The following IPO11 variants were observed in gnomAD, a reference collection of about 807,000 sequenced individuals.
The protein encoded by IPO11 is importin-11.
A neutral mutation model predicts 143.2 loss-of-function variants in IPO11; 66 were observed. The ratio of observed to expected loss-of-function variants is 0.46; its 90% CI spans 0.38 to 0.57. The LOEUF is 0.57. Among genes scored for constraint, IPO11 ranks in the 20% least tolerant of loss-of-function variants. The pLI is 0.00. For synonymous variants in IPO11, 385 were observed against 377.8 expected, an observed-to-expected ratio of 1.02 and a Z score of -0.22; for missense variants, 1,026 against 1,141.0, an observed-to-expected ratio of 0.90 and a Z score of 1.45.
At chr5:62,462,273 TCCA>T (rs1745386611) in intron 5 of IPO11, among the ~76,000 whole-genome samples, 1 of 152,106 alleles carries the variant, frequency 6.6e-6, no homozygotes, top group African/African-American at 2.4e-5. Context: ...TGACTTTGAG[TCCA>T]CCATGTTTAA....
chr5:62,460,117 AT>A (rs35282844), intron 5 of IPO11, among the ~76,000 whole-genome samples: 13,754 of 152,162 alleles, frequency 0.09, 678 homozygotes, highest in East Asian at 0.14. Flanking sequence ...AGATAGATTT[AT>A]TTTTTAAGTA....
intron 22 of IPO11, among the ~76,000 whole-genome samples, chr5:62,534,835 C>T (rs901205440): frequency 1.3e-5 from 2 of 152,056 alleles, no homozygotes; most frequent in African/African-American, 2.4e-5. Context: ...GAACCATAGA[C>T]ATAAATTACT....
chr5:62,550,592 G>A (rs943468389), intron 25 of IPO11, 130 bp downstream of exon 25: 17 of 585,712 alleles, frequency 2.9e-5, no homozygotes, highest in African/African-American at 2.8e-4. Flanking sequence ...AATTTTCAGG[G>A]CGGTTAGACA....
intron 28 of IPO11, among the ~76,000 whole-genome samples, chr5:62,594,080 T>A (rs1395640238): frequency 2.6e-5 from 4 of 152,194 alleles, no homozygotes; most frequent in Admixed American, 6.5e-5. Context: ...CTTATTATAG[T>A]CTCTTAACTG....
chr5:62,433,785 G>A (rs559573887), intron 1 of IPO11, among the ~76,000 whole-genome samples: 22 of 152,222 alleles, frequency 1.4e-4, no homozygotes, highest in African/African-American at 5.3e-4. Flanking sequence ...GCTTTGCTGT[G>A]TGCATTTATG....
chr5:62,449,807 C>T, intron 3 of IPO11, 120 bp from the exon 4 acceptor site: 1 of 581,862 alleles, frequency 1.7e-6, no homozygotes, highest in South Asian at 3.3e-5. Flanking sequence ...TTTTTATTTA[C>T]AAAAACCAAT....
At chr5:62,515,578 T>A in intron 20 of IPO11, 77 bp downstream of exon 20, 1 of 829,266 alleles carries the variant, frequency 1.2e-6, no homozygotes, top group East Asian at 2.9e-5. Flanking sequence ...AAATTGTTTT[T>A]ATGTGATTTA....
intron 26 of IPO11, among the ~76,000 whole-genome samples, chr5:62,556,704 A>C (rs1743587058): frequency 6.6e-6 from 1 of 152,210 alleles, no homozygotes; most frequent in Admixed American, 6.5e-5. Flanking sequence ...AAACCAAAAA[A>C]ATTAAAATGA....
intron 1 of IPO11, among the ~76,000 whole-genome samples, chr5:62,430,376 T>C (rs1316237916): frequency 7.9e-5 from 12 of 152,196 alleles, no homozygotes; most frequent in Non-Finnish European, 1.6e-4. Flanking sequence ...GATCATTATC[T>C]TTTTGATTAT....
At chr5:62,419,148 A>G in intron 1 of IPO11, 1 of 1,545,010 alleles carries the variant, frequency 6.5e-7, no homozygotes, top group Non-Finnish European at 8.7e-7. Context: ...GTGTGTTTAA[A>G]CATGTCTAAA....
chr5:62,509,368 T>G (rs985031965), intron 19 of IPO11, among the ~76,000 whole-genome samples: 13 of 152,170 alleles, frequency 8.5e-5, no homozygotes, highest in African/African-American at 3.1e-4. Context: ...ATTAAAACAT[T>G]TGTTAGATTG....
chr5:62,601,726 T>G (rs1580375012), intron 28 of IPO11, 38 bp from the exon 29 acceptor site: 10 of 1,160,180 alleles, frequency 8.6e-6, no homozygotes, highest in Non-Finnish European at 1.1e-5. Context: ...ATTATAGACA[T>G]TTTTATTTAA....
intron 29 of IPO11, among the ~76,000 whole-genome samples, chr5:62,611,188 C>T (rs933647180): frequency 6.6e-6 from 1 of 152,032 alleles, no homozygotes; most frequent in Non-Finnish European, 1.5e-5. Flanking sequence ...AAACTTATCT[C>T]AAGTATTAGA....
chr5:62,498,752 C>T (rs768805836), intron 16 of IPO11, among the ~76,000 whole-genome samples: 1 of 152,132 alleles, frequency 6.6e-6, no homozygotes, highest in Non-Finnish European at 1.5e-5. Flanking sequence ...CACCTGTAGT[C>T]CCAGCTACTC....
At chr5:62,460,004 A>G (rs557570759) in intron 5 of IPO11, among the ~76,000 whole-genome samples, 5 of 152,370 alleles carry the variant, frequency 3.3e-5, no homozygotes, top group South Asian at 4.1e-4. Context: ...ACCTAGATCT[A>G]ATAGTCAACA....
At chr5:62,458,293 T>TTTTATA in intron 5 of IPO11, among the ~76,000 whole-genome samples, 1 of 152,288 alleles carries the variant, frequency 6.6e-6, no homozygotes, top group Non-Finnish European at 1.5e-5. Flanking sequence ...CTCTGTGTAA[T>TTTTATA]TTTATAGTGG....
At chr5:62,546,871 G>A (rs1743217459) in intron 24 of IPO11, among the ~76,000 whole-genome samples, 2 of 152,044 alleles carry the variant, frequency 1.3e-5, no homozygotes, top group African/African-American at 4.8e-5. Flanking sequence ...AAAGTAGAAG[G>A]CAGTGGAAGA....
intron 4 of IPO11, among the ~76,000 whole-genome samples, chr5:62,450,631 A>G (rs1052233887): frequency 4.0e-5 from 6 of 149,664 alleles, no homozygotes; most frequent in Non-Finnish European, 7.4e-5. Context: ...AATTTTAATG[A>G]TTATAATTTT....
At chr5:62,604,658 TA>T (rs1212312756) in intron 29 of IPO11, among the ~76,000 whole-genome samples, 4 of 152,204 alleles carry the variant, frequency 2.6e-5, no homozygotes, top group Admixed American at 1.3e-4. Flanking sequence ...AAACAACCAT[TA>T]TTTTTTTAAG....
Sources: gnomAD v4.1 joint callset for allele counts (sites outside exome capture counted in the v4.1 genomes callset) on GRCh38, gnomAD v4.1.1 for gene constraint, MANE v1.5 for transcripts, NCBI Gene and HGNC (gene_info 2026-07-23, HGNC 2026-07-21) for gene names.